Variants in MIDEAS observed in about 807,000 individuals in gnomAD.
MIDEAS encodes mitotic deacetylase associated SANT domain protein, also known as mitotic deacetylase-associated SANT domain protein.
MIDEAS carries 26 observed loss-of-function variants against 102.7 expected under a neutral mutation model. The ratio of observed to expected loss-of-function variants is 0.25; its 90% CI spans 0.19 to 0.35. The LOEUF (loss-of-function observed/expected upper bound fraction) is 0.35. Ranked by LOEUF, MIDEAS falls within the 10% of genes least tolerant of loss-of-function variation. The pLI is 1.00. For missense variants in MIDEAS, 1,231 were observed against 1,435.6 expected, an observed-to-expected ratio of 0.86 and a Z score of 2.30; for synonymous variants, 585 against 591.0, an observed-to-expected ratio of 0.99 and a Z score of 0.15.
upstream of MIDEAS, among the ~76,000 whole-genome samples, chr14:73,761,101 G>A (rs546880905): frequency 1.3e-5 from 2 of 152,144 alleles, no homozygotes; most frequent in African/African-American, 2.4e-5. Context: ...TGGTGGCGGC[G>A]GCGGTGGTGG....
In MIDEAS at chr14:73,719,393, G is replaced by A; in HGVS notation, c.3046C>T (p.Leu1016=). ...REGTGKSRRA[L]PFSEKKKKTE... is the part of the protein sequence containing the mutation. ...TTTTTCTTCTTCTCTGAAAAAGGTA[G>A]TGCCCTTCGTGACTTCCCTGTCCCT... is the stretch of plus-strand genomic sequence containing the variant. The change falls in exon 12 of 13, where the codon CTA becomes TTA. Residue 1016 remains leucine, a synonymous_variant. Transcript: ENST00000423556. 1 of 1,614,074 alleles carries A rather than the reference G, an allele frequency of 6.2e-7. No individual in the cohort carries two copies. The highest frequency in any genetic ancestry group is 1.1e-5 in the South Asian group (1 of 91,044).
chr14:73,721,346 C>T lies in MIDEAS; in HGVS notation c.2888G>A (p.Arg963Lys). ...CGTGGCTTTGACTGCCGCTGCCCGC[C>T]TGCTGCGCTCTCGCCCCTCTTCCTG... ...EEQEEGRERS[R>K]RAAAVKATQT... Residue 963 changes from arginine to lysine, a missense_variant, in exon 11 of 13, where the codon AGG becomes AAG. This residue lies in a region of MIDEAS where 391 missense variants were observed against 483.0 expected (regional missense o/e 0.81). Transcript: ENST00000423556. 1.2e-6 allele frequency: 2 copies of T among 1,614,086 alleles called. No homozygotes were observed. Among genetic ancestry groups the T allele is most frequent in the Non-Finnish European group, 1.7e-6 (2 of 1,180,022 alleles).
At chr14:73,781,986 T>C (rs1236268264) in intron 1 of MIDEAS, among the ~76,000 whole-genome samples, 2 of 151,084 alleles carry the variant, frequency 1.3e-5, no homozygotes, top group Non-Finnish European at 3.0e-5. Context: ...GAACCTGGGG[T>C]GCGGAGGTTG....
intron 4 of MIDEAS, chr14:73,729,182 G>A (rs2053104244): frequency 6.4e-6 from 1 of 156,630 alleles, no homozygotes; most frequent in Non-Finnish European, 1.4e-5. Context: ...CTGCCACAAA[G>A]GACTATGAGC....
rs771336428 is a variant in MIDEAS, at chr14:73,739,540, T to C, written c.469A>G (p.Thr157Ala). 3 of 1,614,020 alleles carry C rather than the reference T, an allele frequency of 1.9e-6. No homozygotes were observed. Among genetic ancestry groups the C allele is most frequent in the African/African-American group, 2.7e-5 (2 of 74,922 alleles). ...GSPHPGVGVP[T>A]YYNHPEALKR... is the part of the protein sequence containing the mutation. ...AGTGCCTCAGGGTGGTTATAGTAAG[T>C]CGGGACTCCCACTCCAGGATGCGGG... is the stretch of plus-strand genomic sequence containing the variant. Residue 157 changes from threonine (T) to alanine (A), a missense_variant, in exon 2 of 13, where the codon ACT (threonine) becomes GCT (alanine). By Grantham distance (58) the Thr-to-Ala change is moderately conservative. Around this residue, in one of 5 missense-constraint regions of MIDEAS, gnomAD observed 758 missense variants for 856.0 expected, o/e 0.89. Coordinates refer to ENST00000423556, the MANE Select transcript of MIDEAS (RefSeq NM_001367710.1).
chr14:73,785,308 A>G (rs1328711595), intron 1 of MIDEAS, among the ~76,000 whole-genome samples: 2 of 152,058 alleles, frequency 1.3e-5, no homozygotes, highest in African/African-American at 2.4e-5. Context: ...TTCTTTCCAT[A>G]CTTGCAGGCT....
At position 73,730,000 on chromosome 14, in the gene MIDEAS, A is replaced by C. The variant is rs1001722641; in HGVS notation, c.1750-15T>G. ...ATGTCCTCTGCCTGGAGAAGGAAAG[A>C]AAACAAGGACGGCTCAGCCCCCCGT... On this transcript the variant is annotated splice_polypyrimidine_tract_variant and intron_variant, in intron 3 of 12. Transcript: ENST00000423556. The C allele has an allele frequency of 1.9e-6, 3 of 1,603,550 alleles. No homozygotes were observed. Among genetic ancestry groups the C allele is most frequent in the Admixed American group, 3.4e-5 (2 of 59,068 alleles).
intron 1 of MIDEAS, among the ~76,000 whole-genome samples, chr14:73,741,882 G>T (rs951283216): frequency 2.0e-5 from 3 of 152,132 alleles, no homozygotes; most frequent in African/African-American, 7.2e-5. Flanking sequence ...GGGAGGGAGA[G>T]GCACAGAGAC....
At chr14:73,720,187 G>T (rs1346933929) in intron 11 of MIDEAS, among the ~76,000 whole-genome samples, 2 of 150,014 alleles carry the variant, frequency 1.3e-5, no homozygotes, top group African/African-American at 4.9e-5. Flanking sequence ...ACAGCCGTGT[G>T]TTTACAGTTT....
At chr14:73,785,132 T>G (rs1595305779) in intron 1 of MIDEAS, among the ~76,000 whole-genome samples, 1 of 152,206 alleles carries the variant, frequency 6.6e-6, no homozygotes. Flanking sequence ...CTGGGCTGAG[T>G]GCTCCCCATG....
chr14:73,719,661 C>T (rs1862633350), intron 11 of MIDEAS, among the ~76,000 whole-genome samples, 160 bp from the exon 12 acceptor site: 1 of 151,734 alleles, frequency 6.6e-6, no homozygotes, highest in African/African-American at 2.4e-5. Context: ...CGACCATTGC[C>T]TCCTCCAACT....
chr14:73,720,395 G>T (rs575069931), intron 11 of MIDEAS, among the ~76,000 whole-genome samples: 3 of 152,000 alleles, frequency 2.0e-5, no homozygotes, highest in African/African-American at 7.2e-5. Context: ...TTACAGGCGT[G>T]CACCACCATG....
In MIDEAS at chr14:73,717,101, A is replaced by T. The variant is rs1325101241; in HGVS notation, c.*1742T>A. On this transcript the variant is annotated 3_prime_UTR_variant, in exon 13 of 13. Coordinates refer to ENST00000423556, the MANE Select transcript of MIDEAS (RefSeq NM_001367710.1). ...TAGAACCATACTAATGTACAAATGG[A>T]TGCTGAAAAATACCTGCATAGTTTC... The T allele has an allele frequency of 6.6e-6, 1 of 152,262 alleles. No homozygotes were observed. The highest frequency in any genetic ancestry group is 1.5e-5 in the Non-Finnish European group (1 of 68,042). 9.4% of individuals were successfully genotyped at this position (152,262 alleles called of 1,614,324 possible).
chr14:73,784,393 T>C (rs890589035), intron 1 of MIDEAS, among the ~76,000 whole-genome samples: 2 of 152,248 alleles, frequency 1.3e-5, no homozygotes, highest in South Asian at 2.1e-4. Flanking sequence ...AAATCTGCCA[T>C]TGGGAACTGA....
chr14:73,728,169 T>A (rs2140104806), intron 4 of MIDEAS: 1 of 150,226 alleles, frequency 6.7e-6, no homozygotes, highest in East Asian at 2.0e-4. Context: ...GCCTCCCAAG[T>A]AGCTGGAATT....
chr14:73,719,093 C>G, intron 12 of MIDEAS, 85 bp from the exon 13 acceptor site: 1 of 1,451,360 alleles, frequency 6.9e-7, no homozygotes. Context: ...CCAGCCTTCA[C>G]CTTCACCCCC....
At position 73,718,883 on chromosome 14, in the gene MIDEAS, T is replaced by C; in HGVS notation, c.3260A>G (p.Gln1087Arg). Residue 1087 changes from glutamine (Q) to arginine (R), a missense_variant, in exon 13 of 13, where the codon CAG (glutamine) becomes CGG (arginine). Coordinates refer to ENST00000423556, the MANE Select transcript of MIDEAS (RefSeq NM_001367710.1). ...AAAAAAAAHQQALREESGAGD... is the reference protein window; with the variant it reads ...AAAAAAAAHQRALREESGAGD... ...CGCACCGCTCTCCTCCCGCAGGGCC[T>C]GCTGGTGGGCGGCGGCGGCGGCAGC... The C allele has an allele frequency of 6.6e-7, 1 of 1,516,980 alleles. No individual in the cohort carries two copies. Among genetic ancestry groups the C allele is most frequent in the Non-Finnish European group, 8.8e-7 (1 of 1,138,824 alleles). The allele number at this position is 1,516,980 out of a possible 1,614,324, so 94.0% of individuals were successfully genotyped here. A position where few individuals can be genotyped will look rare whatever the true frequency, so the allele number is the denominator to read the frequency against.
At position 73,773,146 on chromosome 14, in the gene MIDEAS, A is replaced by G. The variant is rs185494847; in HGVS notation, c.-248+13956T>C. 2.0e-3 allele frequency among the ~76,000 whole-genome samples: 305 copies of G among 151,844 alleles called. 5 individuals are homozygous for G. Among genetic ancestry groups the G allele is most frequent in the Non-Finnish European group, 1.9e-3 (132 of 67,908 alleles). On this transcript the variant is annotated intron_variant, in intron 1 of 11. Coordinates refer to the MIDEAS transcript ENST00000394071. The stretch of plus-strand genomic sequence containing the variant: ...AGCCACCACGCCTGGCTTCTCATAC[A>G]TTTTTAATGTATATTTGTTCTTTGT...
intron 1 of MIDEAS, among the ~76,000 whole-genome samples, chr14:73,773,026 T>TG (rs1190909945): frequency 1.3e-5 from 2 of 152,004 alleles, no homozygotes; most frequent in Non-Finnish European, 2.9e-5. Flanking sequence ...TTAGTAGAGA[T>TG]GGGGTTTCTC....
Sources: allele counts gnomAD v4.1 joint callset (sites outside exome capture counted in the v4.1 genomes callset), GRCh38; gene constraint gnomAD v4.1.1; regional missense constraint gnomAD v4.1.1; transcripts MANE v1.5; gene names NCBI Gene and HGNC (gene_info 2026-07-23, HGNC 2026-07-21).